Variants in MGRN1 observed in about 807,000 individuals in gnomAD.
MGRN1 encodes the protein E3 ubiquitin-protein ligase MGRN1.
A neutral mutation model predicts 69.2 loss-of-function variants in MGRN1; 29 were observed. That is an observed-to-expected ratio of 0.42 (90% CI 0.31 to 0.57). The LOEUF (loss-of-function observed/expected upper bound fraction) is 0.57, where lower values mean the gene tolerates loss of function less well. Among genes scored for constraint, MGRN1 ranks in the 20% least tolerant of loss-of-function variants. MGRN1 has a pLI of 0.15. For missense variants in MGRN1, 998 were observed against 796.2 expected (o/e 1.25, Z -3.05); for synonymous variants, 470 against 344.2 (o/e 1.37, Z -4.04).
Position 4,655,315 on chromosome 16 carries a change from A to G in MGRN1, c.444-1931A>G, listed in dbSNP as rs545781116. Among the ~76,000 whole-genome samples, 37 of 152,288 alleles carry G rather than the reference A, an allele frequency of 2.4e-4. No homozygotes were observed. In the East Asian group the frequency reaches 4.6e-3, roughly 19 times the overall value. ...AGAGAGGGTCCCGCTGCTACCAGAA[A>G]GGCTAGAGAGAGCAGAGAGGGTGCC... is the stretch of plus-strand genomic sequence containing the variant. On this transcript the variant is annotated intron_variant, in intron 4 of 16. Coordinates refer to ENST00000262370, the MANE Select transcript of MGRN1 (RefSeq NM_015246.4).
chr16:4,673,657 C>T lies in MGRN1; in HGVS notation c.955C>T (p.Pro319Ser), dbSNP rs747795132. 5.0e-6 allele frequency: 8 copies of T among 1,612,560 alleles called. No homozygotes were observed. Among genetic ancestry groups the T allele is most frequent in the African/African-American group, 1.3e-5 (1 of 75,042 alleles). ...QANNCPICRL[P>S]FRALLQIRAV... is the part of the protein sequence containing the mutation. ...CAACAACTGCCCCATCTGCCGGCTG[C>T]GTGAGTTCCCCGGCCGGCTGTTCTG... Residue 319 changes from proline to serine, a missense_variant and splice_region_variant, in exon 10 of 17, where the codon CCT becomes TCT. Coordinates refer to ENST00000262370, the MANE Select transcript of MGRN1 (RefSeq NM_015246.4).
At chr16:4,686,861 T>C (rs2079332243) in intron 16 of MGRN1, 1 of 985,542 alleles carries the variant, frequency 1.0e-6, no homozygotes, top group African/African-American at 1.7e-5. Context: ...GGGGAAAGAA[T>C]GCGCCCCGAT....
intron 16 of MGRN1, chr16:4,687,877 A>G (rs1366944547): frequency 1.0e-6 from 1 of 985,398 alleles, no homozygotes; most frequent in African/African-American, 1.7e-5. Flanking sequence ...TCTTGAGCCC[A>G]GCGAGTCCCT....
chr16:4,663,365 GTTTT>G (rs1183914569), intron 5 of MGRN1, among the ~76,000 whole-genome samples: 2 of 61,804 alleles, frequency 3.2e-5, no homozygotes, highest in Admixed American at 2.1e-4. Context: ...ACCTGGCCTT[GTTTT>G]TTTTTTTTTT....
Position 4,626,934 on chromosome 16 carries a change from G to A in MGRN1, c.88+1886G>A, listed in dbSNP as rs1488629584. ...TCCAGTCCACAGGTCCTCTCCAGCT[G>A]TGCTTTTTCCCTTTCTCTTCTCCAT... On this transcript the variant is annotated intron_variant, in intron 1 of 16. Coordinates refer to ENST00000262370, the MANE Select transcript of MGRN1 (RefSeq NM_015246.4). Among the ~76,000 whole-genome samples the A allele has an allele frequency of 3.3e-5, 5 of 152,352 alleles. No homozygotes were observed. The East Asian group carries it at 9.6e-4, about 29-fold the overall frequency.
rs2079394948 is a variant in MGRN1 at position 4,688,796 on chromosome 16, G to A, written c.1619G>A (p.Gly540Glu). Reference sequence around the variant, plus strand: ...CTCCTCCCTCTGCTCCCACCTGCAGGACGGCCCACCTCCATGGAGACGGCC... The same window carrying A: ...CTCCTCCCTCTGCTCCCACCTGCAGAACGGCCCACCTCCATGGAGACGGCC... ...RGPPADIYLP[G>E]RPTSMETAHG... The change falls in exon 17 of 17, where the codon GGA (glycine) becomes GAA (glutamate). Residue 540 changes from glycine (G) to glutamate (E), a missense_variant and splice_region_variant. By Grantham distance (98) the Gly-to-Glu change is moderately conservative. Coordinates refer to ENST00000262370, the MANE Select transcript of MGRN1 (RefSeq NM_015246.4). 6.5e-7 allele frequency: 1 copy of A among 1,545,182 alleles called. No individual in the cohort carries two copies.
At chr16:4,645,829 G>T (rs72770332) in intron 1 of MGRN1, among the ~76,000 whole-genome samples, 9,621 of 152,204 alleles carry the variant, frequency 0.063, 389 homozygotes, top group Middle Eastern at 0.11. Flanking sequence ...TTTGAGGGCA[G>T]TGGGTCCAGA....
chr16:4,647,290 C>T (rs2078294719), intron 1 of MGRN1, among the ~76,000 whole-genome samples: 1 of 152,218 alleles, frequency 6.6e-6, no homozygotes, highest in Non-Finnish European at 1.5e-5. Flanking sequence ...AGGCCAGCAT[C>T]CGGAGACCAC....
chr16:4,641,685 A>C lies in MGRN1; in HGVS notation c.89-8680A>C, dbSNP rs539425777. ...AGGCACCCACCACCATGCCCAGCTA[A>C]TTTTGCATTTTTAGTAGAGACGGGA... is the stretch of plus-strand genomic sequence containing the variant. On this transcript the variant is annotated intron_variant, in intron 1 of 16. Transcript: ENST00000262370. Among the ~76,000 whole-genome samples, 3 of 151,594 alleles carry C rather than the reference A, an allele frequency of 2.0e-5. No homozygotes were observed. In the South Asian group the frequency reaches 6.3e-4, roughly 32 times the overall value.
intron 11 of MGRN1, among the ~76,000 whole-genome samples, chr16:4,678,819 C>G (rs1401735358): frequency 2.0e-5 from 3 of 152,254 alleles, no homozygotes; most frequent in Non-Finnish European, 4.4e-5. Flanking sequence ...GCCCTGAGGA[C>G]TGGCGTTCAC....
chr16:4,677,493 T>A lies in MGRN1; in HGVS notation c.986T>A (p.Val329Glu). 3 of 1,590,202 alleles carry A rather than the reference T, an allele frequency of 1.9e-6. No homozygotes were observed. The South Asian group carries it at 3.3e-5, about 18-fold the overall frequency. The change falls in exon 11 of 17, where the codon GTG (valine) becomes GAG (glutamate). Residue 329 changes from valine to glutamate, a missense_variant. By Grantham distance (121) the Val-to-Glu change is moderately radical (BLOSUM62 -2). Transcript: ENST00000262370. ...PFRALLQIRA[V>E]RKKPGALSPV... ...CGGGCCCTCCTGCAGATCCGGGCGG[T>A]GCGGAAGAAGCCAGGAGCCCTGTCC... is the stretch of plus-strand genomic sequence containing the variant.
At chr16:4,673,423 C>T (rs2141952712) in intron 9 of MGRN1, 75 bp from the exon 10 acceptor site, 1 of 1,552,588 alleles carries the variant, frequency 6.4e-7, no homozygotes, top group East Asian at 2.2e-5. Flanking sequence ...TGGGGTGGGA[C>T]AGCTGGGGAC....
intron 1 of MGRN1, among the ~76,000 whole-genome samples, chr16:4,631,830 T>G (rs990959181): frequency 6.6e-6 from 1 of 152,128 alleles, no homozygotes; most frequent in African/African-American, 2.4e-5. Flanking sequence ...AGAATTGCTG[T>G]CTTTACAGTG....
At chr16:4,646,130 C>G (rs1462037902) in intron 1 of MGRN1, among the ~76,000 whole-genome samples, 2 of 152,038 alleles carry the variant, frequency 1.3e-5, no homozygotes, top group African/African-American at 4.8e-5. Flanking sequence ...CTCACCATCA[C>G]TCGTGAGTCC....
At chr16:4,663,365 GTTTTTTTTTTTTTTTTT>G (rs1183914569) in intron 5 of MGRN1, among the ~76,000 whole-genome samples, 1 of 61,804 alleles carries the variant, frequency 1.6e-5, no homozygotes, top group Admixed American at 2.1e-4. Flanking sequence ...ACCTGGCCTT[GTTTTTTTTTTTTTTTTT>G]TTTTTTTTTA....
chr16:4,630,202 A>T (rs1020497000), intron 1 of MGRN1, among the ~76,000 whole-genome samples: 1 of 151,706 alleles, frequency 6.6e-6, no homozygotes, highest in Non-Finnish European at 1.5e-5. Context: ...AATACAAAAA[A>T]TTAGTTGGGT....
chr16:4,680,697 T>C (rs2079163363), intron 12 of MGRN1: 1 of 152,934 alleles, frequency 6.5e-6, no homozygotes, highest in Non-Finnish European at 1.5e-5. Flanking sequence ...TCTGTGTGGT[T>C]ATTTACCCTT....
chr16:4,645,211 A>G (rs1302764074), intron 1 of MGRN1, among the ~76,000 whole-genome samples: 1 of 151,758 alleles, frequency 6.6e-6, no homozygotes, highest in Non-Finnish European at 1.5e-5. Context: ...CCCAGGCTGG[A>G]GTGCAGTGTG....
intron 5 of MGRN1, among the ~76,000 whole-genome samples, chr16:4,663,008 A>C (rs548750442): frequency 1.2e-4 from 19 of 152,308 alleles, no homozygotes; most frequent in African/African-American, 4.3e-4. Flanking sequence ...CCCCTCACCC[A>C]ACTGCCCTTG....
Sources: allele counts gnomAD v4.1 joint callset (sites outside exome capture counted in the v4.1 genomes callset), GRCh38; gene constraint gnomAD v4.1.1; transcripts MANE v1.5; gene names NCBI Gene and HGNC (gene_info 2026-07-23, HGNC 2026-07-21).